AR: variants seen among roughly 807,000 people sequenced by gnomAD.
The protein encoded by AR is androgen receptor, also known as dihydrotestosterone receptor.
A neutral mutation model predicts 53.9 loss-of-function variants in AR; 8 were observed. The observed-to-expected ratio is 0.15, with a 90% CI of 0.09 to 0.27. The LOEUF (loss-of-function observed/expected upper bound fraction) is 0.27, where lower values mean the gene tolerates loss of function less well. Ranked by LOEUF, AR falls within the 10% of genes least tolerant of loss-of-function variation. AR has a pLI of 1.00. For missense variants in AR, 639 were observed against 742.5 expected (o/e 0.86, Z 1.62); for synonymous variants, 359 against 316.4 (o/e 1.13, Z -1.43).
intron 2 of AR, among the ~76,000 whole-genome samples, chrX:67,677,234 A>T (rs1031461659): frequency 8.9e-6 from 1 of 111,928 alleles, no homozygotes; most frequent in Non-Finnish European, 1.9e-5. Context: ...ACTATTCTTT[A>T]GGAAAACGTT....
chrX:67,614,560 A>T (rs982042047), intron 1 of AR, among the ~76,000 whole-genome samples: 2 of 111,375 alleles, frequency 1.8e-5, no homozygotes, highest in African/African-American at 6.5e-5. Context: ...CACTAAACAA[A>T]CAAACGACTA....
chrX:67,653,734 A>G, intron 2 of AR, among the ~76,000 whole-genome samples: 1 of 110,953 alleles, frequency 9.0e-6, no homozygotes. Flanking sequence ...GTTACTATCC[A>G]GGTAGTGTAA....
At chrX:67,711,084 C>T (rs370206174) in intron 3 of AR, among the ~76,000 whole-genome samples, 100 of 111,822 alleles carry the variant, frequency 8.9e-4, no homozygotes, top group Middle Eastern at 4.7e-3. Context: ...TTAGTAAATA[C>T]GTTAATTAAA....
At chrX:67,669,362 T>C (rs1241972063) in intron 2 of AR, among the ~76,000 whole-genome samples, 1 of 111,668 alleles carries the variant, frequency 9.0e-6, no homozygotes, top group African/African-American at 3.2e-5. Context: ...AAAATTCCTC[T>C]TGTTATTGAT....
chrX:67,644,376 A>G lies in AR; in HGVS notation c.1768+969A>G, dbSNP rs770679497. 1.5e-4 allele frequency among the ~76,000 whole-genome samples: 17 copies of G among 111,737 alleles called. No homozygotes were observed. In the South Asian group the frequency reaches 2.6e-3, roughly 17 times the overall value. On this transcript the variant is annotated intron_variant, in intron 2 of 7. Coordinates refer to ENST00000374690, the MANE Select transcript of AR (RefSeq NM_000044.6). ...ATTCACCTCTGCCCCAACTTTCCCCAAAGAGGTACTTCCTGCCAAGGCCTT... is the reference window on the plus strand; with the variant it reads ...ATTCACCTCTGCCCCAACTTTCCCCGAAGAGGTACTTCCTGCCAAGGCCTT...
intron 2 of AR, among the ~76,000 whole-genome samples, chrX:67,680,171 T>G (rs772086227): frequency 2.9e-4 from 32 of 112,163 alleles, no homozygotes; most frequent in Non-Finnish European, 5.1e-4. Flanking sequence ...CTTTCTTCAC[T>G]GAATTGGAAT....
chrX:67,682,473 T>C (rs2075941030), intron 2 of AR, among the ~76,000 whole-genome samples: 1 of 109,595 alleles, frequency 9.1e-6, no homozygotes, highest in Middle Eastern at 4.2e-3. Context: ...CATTTTTTTA[T>C]AGAGACGGAG....
chrX:67,689,009 C>A (rs1237065891), intron 3 of AR, among the ~76,000 whole-genome samples: 1 of 111,356 alleles, frequency 9.0e-6, no homozygotes, highest in Non-Finnish European at 1.9e-5. Flanking sequence ...TCACTCAAAT[C>A]AAAATTACAT....
intron 3 of AR, 103 bp from the exon 4 acceptor site, chrX:67,711,299 G>C: frequency 1.1e-6 from 1 of 885,234 alleles, no homozygotes. Context: ...TGACCAGGGA[G>C]AATGGTGATT....
chrX:67,652,496 T>C (rs1416083854), intron 2 of AR, among the ~76,000 whole-genome samples: 1 of 112,332 alleles, frequency 8.9e-6, no homozygotes, highest in Non-Finnish European at 1.9e-5. Context: ...GGTCAAACCA[T>C]TTCATGGAAA....
In AR at chrX:67,680,589, A is replaced by C. The variant is rs375966370; in HGVS notation, c.1769-5421A>C. ...TAACACCATATATATAAAGTGTGAG[A>C]AATACTACATTCTTCAGGATTCTCT... On this transcript the variant is annotated intron_variant, in intron 2 of 7. Coordinates refer to ENST00000374690, the MANE Select transcript of AR (RefSeq NM_000044.6). 8.3e-4 allele frequency: 237 copies of C among 284,007 alleles called. 2 individuals carry two copies. Among genetic ancestry groups the C allele is most frequent in the South Asian group, 7.9e-3 (229 of 29,004 alleles). The allele number at this position is 284,007 out of a possible 1,213,427, so 23.4% of individuals were successfully genotyped here. A position where few individuals can be genotyped will look rare whatever the true frequency, so the allele number is the denominator to read the frequency against.
At chrX:67,585,539 A>C in intron 1 of AR, among the ~76,000 whole-genome samples, 1 of 112,254 alleles carries the variant, frequency 8.9e-6, no homozygotes, top group Non-Finnish European at 1.9e-5. Flanking sequence ...TGCCCATGTA[A>C]AGGCATATAC....
Position 67,729,090 on chromosome X carries a change from C to T in AR, c.*5249C>T, listed in dbSNP as rs2076170223. Reference sequence around the variant, plus strand: ...AACCTGGAGCAAGCGCTCTATCTTTCACACAAATTCCCTCACCTGAGATTG... The same window carrying T: ...AACCTGGAGCAAGCGCTCTATCTTTTACACAAATTCCCTCACCTGAGATTG... On this transcript the variant is annotated 3_prime_UTR_variant, in exon 8 of 8. Coordinates refer to ENST00000374690, the MANE Select transcript of AR (RefSeq NM_000044.6). 5.7e-6 allele frequency: 1 copy of T among 175,855 alleles called. No individual in the cohort carries two copies. Among genetic ancestry groups the T allele is most frequent in the Non-Finnish European group, 1.1e-5 (1 of 91,554 alleles). 14.5% of individuals were successfully genotyped at this position (175,855 alleles called of 1,213,427 possible). A position where few individuals can be genotyped will look rare whatever the true frequency, so the allele number is the denominator to read the frequency against.
At chrX:67,700,887 T>A (rs150392223) in intron 3 of AR, among the ~76,000 whole-genome samples, 3 of 112,132 alleles carry the variant, frequency 2.7e-5, no homozygotes, top group Non-Finnish European at 5.6e-5. Context: ...GATCTCACTG[T>A]CACCAATTGC....
rs370893700 is a variant in AR, at chrX:67,545,778, C to G, written c.632C>G (p.Ala211Gly). The G allele has an allele frequency of 5.8e-6, 7 of 1,210,431 alleles. No homozygotes were observed. The highest frequency in any genetic ancestry group is 7.8e-6 in the Non-Finnish European group (7 of 895,209). ...TCCGAAGGCAGCAGCAGCGGGAGAG[C>G]GAGGGAGGCCTCGGGGGCTCCCACT... ...AVSEGSSSGRAREASGAPTSS... is the reference protein window; with the variant it reads ...AVSEGSSSGRGREASGAPTSS... Residue 211 changes from alanine (A) to glycine (G), a missense_variant, in exon 1 of 8, where the codon GCG becomes GGG. Coordinates refer to ENST00000374690, the MANE Select transcript of AR (RefSeq NM_000044.6).
chrX:67,683,645 A>G (rs763115005), intron 2 of AR, among the ~76,000 whole-genome samples: 2 of 112,663 alleles, frequency 1.8e-5, no homozygotes, highest in Non-Finnish European at 3.8e-5. Flanking sequence ...ATTTTTGTTC[A>G]TTAGAGATTT....
At chrX:67,572,154 T>C (rs1021397835) in intron 1 of AR, among the ~76,000 whole-genome samples, 3 of 111,836 alleles carry the variant, frequency 2.7e-5, no homozygotes, top group Non-Finnish European at 5.7e-5. Flanking sequence ...GTAAAATTTA[T>C]TCAGTTAGGG....
chrX:67,605,666 C>T (rs1228445877), intron 1 of AR, among the ~76,000 whole-genome samples: 4 of 111,824 alleles, frequency 3.6e-5, no homozygotes, highest in African/African-American at 6.5e-5. Context: ...AATGGTCATC[C>T]GGCCGCTTTA....
At position 67,584,850 on chromosome X, in the gene AR, G is replaced by A. The variant is rs141003649; in HGVS notation, c.1616+38088G>A. On this transcript the variant is annotated intron_variant, in intron 1 of 7. Coordinates refer to ENST00000374690, the MANE Select transcript of AR (RefSeq NM_000044.6). ...TCCTTCTTTGGTTTGGGGTTAAACCGTGAGTAACCTTATTTTCTAGGTCTC... is the reference window on the plus strand; with the variant it reads ...TCCTTCTTTGGTTTGGGGTTAAACCATGAGTAACCTTATTTTCTAGGTCTC... Among the ~76,000 whole-genome samples, 898 of 112,168 alleles carry A rather than the reference G, an allele frequency of 8.0e-3. 8 individuals are homozygous for A. Among genetic ancestry groups the A allele is most frequent in the African/African-American group, 0.027 (828 of 30,873 alleles).
Sources: gnomAD v4.1 joint callset for allele counts (sites outside exome capture counted in the v4.1 genomes callset) on GRCh38, gnomAD v4.1.1 for gene constraint, MANE v1.5 for transcripts, NCBI Gene and HGNC (gene_info 2026-07-23, HGNC 2026-07-21) for gene names.